MYBPC2: variants seen among roughly 807,000 people sequenced by gnomAD.
MYBPC2 encodes the protein myosin binding protein C2.
MYBPC2 carries 122 observed loss-of-function variants against 137.0 expected under a neutral mutation model. That is an observed-to-expected ratio of 0.89 (90% CI 0.77 to 1.03). The LOEUF is 1.03. Among genes scored for constraint, MYBPC2 ranks in the 50% least tolerant of loss-of-function variants. The pLI is 0.00. For synonymous variants in MYBPC2, 626 were observed against 612.3 expected (o/e 1.02, Z -0.33); for missense variants, 1,500 against 1,534.4 (o/e 0.98, Z 0.37).
chr19:50,459,915 C>A, intron 23 of MYBPC2, 125 bp from the exon 24 acceptor site: 1 of 1,361,232 alleles, frequency 7.3e-7, no homozygotes, highest in Non-Finnish European at 1.0e-6. Flanking sequence ...AGGCCATAGG[C>A]AGGAATGGGA....
At chr19:50,458,065 A>G (rs1446544128) in intron 20 of MYBPC2, among the ~76,000 whole-genome samples, 5 of 151,592 alleles carry the variant, frequency 3.3e-5, no homozygotes, top group Non-Finnish European at 7.4e-5. Context: ...TAATCCCAGC[A>G]CTTTGGGAGG....
chr19:50,435,036 G>A lies in MYBPC2; in HGVS notation c.20-125G>A, dbSNP rs1328296532. 5 of 657,052 alleles carry A rather than the reference G, an allele frequency of 7.6e-6. No individual in the cohort carries two copies. The highest frequency in any genetic ancestry group is 1.4e-5 in the Non-Finnish European group (5 of 358,652). The allele number at this position is 657,052 out of a possible 1,614,324, so 40.7% of individuals were successfully genotyped here. The stretch of plus-strand genomic sequence containing the variant: ...TGGACTCCTGGGTCTGAGGGAGGAG[G>A]GGCTGGGGGCCTGGACTCCTGGGTC... On this transcript the variant is annotated intron_variant, in intron 1 of 27. Coordinates refer to ENST00000357701, the MANE Select transcript of MYBPC2 (RefSeq NM_004533.4). The surrounding 1 kb of genome is among the most constrained non-coding windows in gnomAD (Gnocchi z 4.8).
intron 18 of MYBPC2, among the ~76,000 whole-genome samples, chr19:50,454,824 C>T (rs983268237): frequency 4.6e-5 from 7 of 152,184 alleles, no homozygotes; most frequent in Admixed American, 2.6e-4. Flanking sequence ...TTGGTCTTCC[C>T]GCTTCCTTTA....
At chr19:50,448,937 C>T (rs2039832369) in intron 13 of MYBPC2, among the ~76,000 whole-genome samples, 2 of 151,544 alleles carry the variant, frequency 1.3e-5, no homozygotes, top group South Asian at 4.2e-4. Context: ...ACCATGTTGG[C>T]CAGGCTGGTC....
Position 50,461,536 on chromosome 19 carries a change from C to CTAG in MYBPC2, c.2932-6_2932-5insTAG, listed in dbSNP as rs1422167460. 1 of 1,612,784 alleles carries CTAG rather than the reference C, an allele frequency of 6.2e-7. No homozygotes were observed. Among genetic ancestry groups the CTAG allele is most frequent in the Non-Finnish European group, 8.5e-7 (1 of 1,179,424 alleles). On this transcript the variant is annotated splice_polypyrimidine_tract_variant and splice_region_variant and intron_variant, in intron 24 of 27. Transcript: ENST00000357701. ...CCCGCCTGGTCCCTCCCTGTCCCCA[C>CTAG]ACTAGGAGTGGTTCAACGTCTATGA...
At chr19:50,460,825 A>G (rs962985538) in intron 24 of MYBPC2, among the ~76,000 whole-genome samples, 3 of 151,476 alleles carry the variant, frequency 2.0e-5, no homozygotes, top group Non-Finnish European at 4.4e-5. Flanking sequence ...TCAGCCTCCC[A>G]TGTAGCTGGG....
rs376215546 is a variant in MYBPC2 at position 50,451,320 on chromosome 19, C to T, written c.1609+11C>T. Reference sequence around the variant, plus strand: ...ACGTTCCCAAGCAAGGTGAGCACCACGGGCTGCGCTGGGAGCGGGTCTGAG... The same window carrying T: ...ACGTTCCCAAGCAAGGTGAGCACCATGGGCTGCGCTGGGAGCGGGTCTGAG... On this transcript the variant is annotated intron_variant, in intron 15 of 27. Transcript: ENST00000357701. 140 of 1,613,196 alleles carry T rather than the reference C, an allele frequency of 8.7e-5. 1 individual carries two copies. In the South Asian group the frequency reaches 1.3e-3, roughly 15 times the overall value.
At chr19:50,444,087 A>G (rs1030568155) in intron 11 of MYBPC2, among the ~76,000 whole-genome samples, 1 of 152,084 alleles carries the variant, frequency 6.6e-6, no homozygotes, top group African/African-American at 2.4e-5. Context: ...CTGACCAATT[A>G]TCTATTCCTT....
chr19:50,443,466 C>T, intron 9 of MYBPC2, 28 bp from the exon 10 acceptor site: 2 of 1,608,912 alleles, frequency 1.2e-6, no homozygotes, highest in Non-Finnish European at 1.7e-6. Flanking sequence ...GCTCCACGCC[C>T]TGGTTTGAGG....
At chr19:50,452,664 C>A (rs1319806625) in intron 16 of MYBPC2, among the ~76,000 whole-genome samples, 2 of 151,984 alleles carry the variant, frequency 1.3e-5, no homozygotes, top group Non-Finnish European at 2.9e-5. Context: ...CTCAAGTGAT[C>A]CTCCCACCTC....
At chr19:50,464,202 G>A in intron 26 of MYBPC2, 144 bp from the exon 27 acceptor site, 1 of 685,050 alleles carries the variant, frequency 1.5e-6, no homozygotes, top group Non-Finnish European at 2.4e-6. Context: ...GGAGACTGAG[G>A]GTCAGGGAGA....
In MYBPC2 at chr19:50,466,073, G is replaced by A; in HGVS notation, c.3416-122G>A. On this transcript the variant is annotated intron_variant, in intron 27 of 27. Coordinates refer to ENST00000357701, the MANE Select transcript of MYBPC2 (RefSeq NM_004533.4). The surrounding 1 kb of genome is among the most constrained non-coding windows in gnomAD (Gnocchi z 4.9). ...TTGTCCAGCCACAGTGGCCTAGGATGGGGCGGGATGGTGACCGTCATCCTG... is the reference window on the plus strand; with the variant it reads ...TTGTCCAGCCACAGTGGCCTAGGATAGGGCGGGATGGTGACCGTCATCCTG... 1.4e-6 allele frequency: 2 copies of A among 1,388,788 alleles called. No individual in the cohort carries two copies. The highest frequency in any genetic ancestry group is 2.0e-6 in the Non-Finnish European group (2 of 1,007,760). 86.0% of individuals were successfully genotyped at this position (1,388,788 alleles called of 1,614,324 possible). A position where few individuals can be genotyped will look rare whatever the true frequency, so the allele number is the denominator to read the frequency against.
Position 50,436,082 on chromosome 19 carries a change from C to T in MYBPC2, c.267C>T (p.Phe89=). 1 of 1,584,358 alleles carries T rather than the reference C, an allele frequency of 6.3e-7. No homozygotes were observed. Among genetic ancestry groups the T allele is most frequent in the Non-Finnish European group, 8.6e-7 (1 of 1,165,284 alleles). The part of the protein sequence containing the change: ...ELPDKPTIKW[F]KGKWLELGSK... Reference sequence around the variant, plus strand: ...CAGACAAACCGACCATCAAGTGGTTCAAGGGGAAGTGGCTGGAGCTGGGCA... The same window carrying T: ...CAGACAAACCGACCATCAAGTGGTTTAAGGGGAAGTGGCTGGAGCTGGGCA... Residue 89 remains phenylalanine, a synonymous_variant, in exon 4 of 28, where the codon TTC becomes TTT. Coordinates refer to ENST00000357701, the MANE Select transcript of MYBPC2 (RefSeq NM_004533.4).
At position 50,451,333 on chromosome 19, in the gene MYBPC2, G is replaced by T. The variant is rs766258868; in HGVS notation, c.1609+24G>T. The T allele has an allele frequency of 2.5e-6, 4 of 1,612,574 alleles. No homozygotes were observed. In the East Asian group the frequency reaches 8.9e-5, roughly 36 times the overall value. ...AGGTGAGCACCACGGGCTGCGCTGG[G>T]AGCGGGTCTGAGGGAGGAGGGACCG... On this transcript the variant is annotated intron_variant, in intron 15 of 27. Coordinates refer to ENST00000357701, the MANE Select transcript of MYBPC2 (RefSeq NM_004533.4).
chr19:50,453,041 G>A (rs1407303190), intron 16 of MYBPC2, among the ~76,000 whole-genome samples: 1 of 152,052 alleles, frequency 6.6e-6, no homozygotes, highest in South Asian at 2.1e-4. Flanking sequence ...AGTTTTCTCC[G>A]CACCAGGCAC....
rs374476874 is a variant in MYBPC2, at chr19:50,441,096, G to C, written c.769+20G>C. 14 of 1,563,370 alleles carry C rather than the reference G, an allele frequency of 9.0e-6. No homozygotes were observed. The highest frequency in any genetic ancestry group is 1.2e-5 in the Non-Finnish European group (14 of 1,154,790). On this transcript the variant is annotated intron_variant, in intron 8 of 27. Transcript: ENST00000357701. ...GTGCAGGTCAGCCCTGGTCTGGGGG[G>C]AGCTGGGCCCTGCACACAAGGGACC...
At chr19:50,450,640 C>G (rs1468650515) in intron 13 of MYBPC2, among the ~76,000 whole-genome samples, 189 bp from the exon 14 acceptor site, 2 of 152,086 alleles carry the variant, frequency 1.3e-5, no homozygotes, top group African/African-American at 4.8e-5. Flanking sequence ...AACAGAGGCA[C>G]AGAGAGGTTA....
chr19:50,460,802 A>AT (rs1456911028), intron 24 of MYBPC2, among the ~76,000 whole-genome samples: 11 of 150,892 alleles, frequency 7.3e-5, no homozygotes, highest in Admixed American at 6.6e-4. Flanking sequence ...AGCTCAGGTG[A>AT]TTCCCCCCCA....
rs1436743071 is a variant in MYBPC2, at chr19:50,442,224, C to T, written c.813C>T (p.Gly271=). 6.2e-7 allele frequency: 1 copy of T among 1,602,236 alleles called. No homozygotes were observed. Among genetic ancestry groups the T allele is most frequent in the Admixed American group, 1.7e-5 (1 of 58,030 alleles). ...KLDPAYQVDR[G]NKIKLMVEIS... is the part of the protein sequence containing the mutation. ...ATCCAGCCTACCAAGTGGACAGAGGCAACAAGATCAAGTTGATGGTAGAGA... is the reference window on the plus strand; with the variant it reads ...ATCCAGCCTACCAAGTGGACAGAGGTAACAAGATCAAGTTGATGGTAGAGA... Residue 271 remains glycine, a synonymous_variant, in exon 9 of 28, where the codon GGC becomes GGT. Coordinates refer to ENST00000357701, the MANE Select transcript of MYBPC2 (RefSeq NM_004533.4).
Sources: gnomAD v4.1 joint callset for allele counts (sites outside exome capture counted in the v4.1 genomes callset) on GRCh38, gnomAD v4.1.1 for gene constraint, Gnocchi (gnomAD v3.1) non-coding constraint, MANE v1.5 for transcripts, NCBI Gene and HGNC (gene_info 2026-07-23, HGNC 2026-07-21) for gene names.